The following SREK1IP1 variants were observed in gnomAD, a reference collection of about 807,000 sequenced individuals.
SREK1IP1 encodes SREK1 interacting protein 1.
In SREK1IP1, 12 loss-of-function variants were observed where a neutral mutation model predicts 22.8. That is an observed-to-expected ratio of 0.53 (90% CI 0.34 to 0.85). The LOEUF is 0.85. Among genes scored for constraint, SREK1IP1 ranks in the 40% least tolerant of loss-of-function variants. The probability of loss-of-function intolerance (pLI) is 0.02; values close to 1 mark genes in which losing one functional copy is unlikely to be tolerated. For synonymous variants in SREK1IP1, 53 were observed against 52.7 expected (o/e 1.01, Z -0.02); for missense variants, 147 against 171.8 (o/e 0.86, Z 0.81).
chr5:64,735,213 A>G (rs1273546517), intron 3 of SREK1IP1, among the ~76,000 whole-genome samples: 3 of 152,010 alleles, frequency 2.0e-5, no homozygotes, highest in African/African-American at 7.2e-5. Context: ...TTCTGAATAT[A>G]AAACAAATGT....
Position 64,749,995 on chromosome 5 carries a change from TA to T in SREK1IP1, c.61+4319del, listed in dbSNP as rs555265779. 2.6e-3 allele frequency among the ~76,000 whole-genome samples: 397 copies of T among 152,288 alleles called. 1 individual carries two copies. The highest frequency in any genetic ancestry group is 0.013 in the South Asian group (65 of 4,824). On this transcript the variant is annotated intron_variant, in intron 2 of 4. Transcript: ENST00000513458. ...AATATTGTTTCCAAGTAGTAATCCT[TA>T]ACTGTCCACTCAGCTCCCTGCTGCA...
At chr5:64,738,865 C>T (rs761534407) in intron 3 of SREK1IP1, among the ~76,000 whole-genome samples, 4 of 152,164 alleles carry the variant, frequency 2.6e-5, no homozygotes, top group Non-Finnish European at 5.9e-5. Flanking sequence ...ATTCTATTTT[C>T]ACGCTTGGCT....
intron 1 of SREK1IP1, chr5:64,754,608 C>T (rs1375008949): frequency 2.6e-6 from 1 of 388,742 alleles, no homozygotes; most frequent in African/African-American, 2.0e-5. Flanking sequence ...AGACTACAGG[C>T]ATGTGCCACC....
At chr5:64,734,684 G>C (rs766750065) in intron 3 of SREK1IP1, among the ~76,000 whole-genome samples, 75 of 129,172 alleles carry the variant, frequency 5.8e-4, no homozygotes, top group African/African-American at 2.4e-3. Context: ...TACCATAAAA[G>C]ATATCTGTAA....
chr5:64,726,528 A>C (rs1742269570), intron 4 of SREK1IP1, among the ~76,000 whole-genome samples: 1 of 150,220 alleles, frequency 6.7e-6, no homozygotes, highest in Non-Finnish European at 1.5e-5. Context: ...GTGAGCTGAG[A>C]CTGTGCCACT....
Position 64,723,431 on chromosome 5 carries a change from A to G in SREK1IP1, c.*953T>C, listed in dbSNP as rs1463369695. 6.6e-6 allele frequency: 1 copy of G among 152,360 alleles called. No homozygotes were observed. Among genetic ancestry groups the G allele is most frequent in the Non-Finnish European group, 1.5e-5 (1 of 68,030 alleles). The allele number at this position is 152,360 out of a possible 1,614,324, so 9.4% of individuals were successfully genotyped here. A position where few individuals can be genotyped will look rare whatever the true frequency, so the allele number is the denominator to read the frequency against. ...ACAAATTATGTCAGACAAAATAAAT[A>G]TATATGCTCACATTTATAAAATTTT... On this transcript the variant is annotated 3_prime_UTR_variant, in exon 5 of 5. Coordinates refer to ENST00000513458, the MANE Select transcript of SREK1IP1 (RefSeq NM_173829.4).
At chr5:64,768,058 AG>A (rs1743084187) in intron 1 of SREK1IP1, among the ~76,000 whole-genome samples, 1 of 152,216 alleles carries the variant, frequency 6.6e-6, no homozygotes, top group Non-Finnish European at 1.5e-5. Flanking sequence ...TACATACAAC[AG>A]GAAGAGCTAG....
chr5:64,721,776 A>G lies in SREK1IP1; in HGVS notation c.*2608T>C, dbSNP rs556109977. On this transcript the variant is annotated 3_prime_UTR_variant, in exon 5 of 5. Coordinates refer to ENST00000513458, the MANE Select transcript of SREK1IP1 (RefSeq NM_173829.4). ...CTTGAAGAAGTTGAACGTGTTTATT[A>G]TATTAATAAATTCAACCTTTACTAT... 5 of 152,328 alleles carry G rather than the reference A, an allele frequency of 3.3e-5. No homozygotes were observed. The South Asian group carries it at 1.0e-3, about 32-fold the overall frequency. The allele number at this position is 152,328 out of a possible 1,614,324, so 9.4% of individuals were successfully genotyped here. A position where few individuals can be genotyped will look rare whatever the true frequency, so the allele number is the denominator to read the frequency against.
intron 1 of SREK1IP1, among the ~76,000 whole-genome samples, chr5:64,756,583 A>C (rs1580556509): frequency 6.6e-6 from 1 of 152,270 alleles, no homozygotes; most frequent in East Asian, 1.9e-4. Context: ...TCAATCAACC[A>C]ATGAAAGCCC....
chr5:64,749,175 C>A (rs951195362), intron 2 of SREK1IP1, among the ~76,000 whole-genome samples: 5 of 151,166 alleles, frequency 3.3e-5, no homozygotes, highest in African/African-American at 9.7e-5. Flanking sequence ...TACACACACA[C>A]AAAAACCCTC....
At chr5:64,729,681 G>GT (rs1410222034) in intron 3 of SREK1IP1, among the ~76,000 whole-genome samples, 2 of 152,176 alleles carry the variant, frequency 1.3e-5, no homozygotes, top group Non-Finnish European at 2.9e-5. Flanking sequence ...AACTGGAGTA[G>GT]TGCAGGCCAG....
chr5:64,729,709 GA>G (rs747553227), intron 3 of SREK1IP1, among the ~76,000 whole-genome samples: 21 of 152,120 alleles, frequency 1.4e-4, no homozygotes, highest in Non-Finnish European at 2.8e-4. Context: ...GTCCTGAGGT[GA>G]TATGTGTGTG....
intron 2 of SREK1IP1, among the ~76,000 whole-genome samples, chr5:64,747,772 T>A (rs755578882): frequency 1.3e-5 from 2 of 151,728 alleles, no homozygotes; most frequent in African/African-American, 4.8e-5. Flanking sequence ...ACTAAAAATA[T>A]AAAAAAGTAG....
At chr5:64,737,441 G>T (rs1193882099) in intron 3 of SREK1IP1, among the ~76,000 whole-genome samples, 1 of 150,062 alleles carries the variant, frequency 6.7e-6, no homozygotes, top group Non-Finnish European at 1.5e-5. Flanking sequence ...AGTACTAAAA[G>T]GGAAATTTAT....
intron 1 of SREK1IP1, among the ~76,000 whole-genome samples, chr5:64,754,984 G>T (rs1742812504): frequency 6.6e-6 from 1 of 151,914 alleles, no homozygotes; most frequent in African/African-American, 2.4e-5. Flanking sequence ...AATCATCAGA[G>T]AAATGCAAAT....
At chr5:64,733,343 A>T (rs1033786321) in intron 3 of SREK1IP1, among the ~76,000 whole-genome samples, 11 of 152,180 alleles carry the variant, frequency 7.2e-5, no homozygotes, top group Admixed American at 4.6e-4. Context: ...TATAAAGAAC[A>T]TACAAAATAT....
At chr5:64,755,342 T>C (rs1742820403) in intron 1 of SREK1IP1, among the ~76,000 whole-genome samples, 1 of 151,896 alleles carries the variant, frequency 6.6e-6, no homozygotes, top group Non-Finnish European at 1.5e-5. Flanking sequence ...TTAAAGAAAA[T>C]GCACTACATA....
chr5:64,733,080 C>T (rs1742404292), intron 3 of SREK1IP1, among the ~76,000 whole-genome samples: 1 of 151,360 alleles, frequency 6.6e-6, no homozygotes, highest in African/African-American at 2.4e-5. Flanking sequence ...ATTAAAACCA[C>T]AAAACTTTTA....
At chr5:64,727,311 T>C (rs1365808207) in intron 4 of SREK1IP1, among the ~76,000 whole-genome samples, 1 of 138,392 alleles carries the variant, frequency 7.2e-6, no homozygotes. Context: ...ACAAGAGAAG[T>C]GGCCACTTAC....
Sources: gnomAD v4.1 joint callset for allele counts (sites outside exome capture counted in the v4.1 genomes callset) on GRCh38, gnomAD v4.1.1 for gene constraint, MANE v1.5 for transcripts, NCBI Gene and HGNC (gene_info 2026-07-23, HGNC 2026-07-21) for gene names.